PAMR1: variants seen among roughly 807,000 people sequenced by gnomAD.
PAMR1 encodes peptidase domain containing associated with muscle regeneration 1.
A neutral mutation model predicts 81.8 loss-of-function variants in PAMR1; 88 were observed. The observed-to-expected ratio is 1.08, with a 90% confidence interval of 0.91 to 1.28. PAMR1 has a LOEUF of 1.28. Ranked by LOEUF, PAMR1 falls within the 50% of genes most tolerant of loss-of-function variation. The pLI is 0.00. For synonymous variants in PAMR1, 336 were observed against 345.3 expected (o/e 0.97, Z 0.30); for missense variants, 935 against 919.7 (o/e 1.02, Z -0.21).
At chr11:35,525,818 T>G, upstream of PAMR1, 1 of 571,164 alleles carries the variant, frequency 1.8e-6, no homozygotes, top group Non-Finnish European at 3.1e-6. Flanking sequence ...CCCCGGGAGG[T>G]GTGGCCACGC....
intron 3 of PAMR1, among the ~76,000 whole-genome samples, chr11:35,487,034 T>C (rs973347373): frequency 1.3e-5 from 2 of 152,104 alleles, no homozygotes; most frequent in African/African-American, 2.4e-5. Flanking sequence ...TGACCTCTTG[T>C]GCTTCTGCGA....
chr11:35,466,393 T>C (rs991425450), intron 6 of PAMR1, among the ~76,000 whole-genome samples: 2 of 152,176 alleles, frequency 1.3e-5, no homozygotes, highest in Non-Finnish European at 2.9e-5. Context: ...GGACCCACTA[T>C]TGAAACCATG....
chr11:35,464,722 GCTTCC>G (rs1856727289), intron 6 of PAMR1, among the ~76,000 whole-genome samples: 1 of 152,128 alleles, frequency 6.6e-6, no homozygotes, highest in African/African-American at 2.4e-5. Context: ...TTCTTACAAT[GCTTCC>G]ACTGGGAACC....
chr11:35,482,149 T>C (rs1259304769), intron 3 of PAMR1, among the ~76,000 whole-genome samples: 3 of 152,246 alleles, frequency 2.0e-5, no homozygotes, highest in East Asian at 1.9e-4. Flanking sequence ...TGTTTTCTTC[T>C]AGGGTTTTTA....
chr11:35,452,341 A>G (rs1330721519), intron 6 of PAMR1, among the ~76,000 whole-genome samples: 4 of 152,216 alleles, frequency 2.6e-5, no homozygotes, highest in Non-Finnish European at 5.9e-5. Context: ...TTTAAAATAC[A>G]TGGGAAAAAA....
chr11:35,482,148 C>T (rs61880924), intron 3 of PAMR1, among the ~76,000 whole-genome samples: 29,708 of 152,104 alleles, frequency 0.2, 3,614 homozygotes, highest in Non-Finnish European at 0.26. Context: ...ATGTTTTCTT[C>T]TAGGGTTTTT....
At chr11:35,461,893 C>T (rs1024635584) in intron 6 of PAMR1, among the ~76,000 whole-genome samples, 11 of 152,248 alleles carry the variant, frequency 7.2e-5, no homozygotes, top group East Asian at 1.9e-4. Flanking sequence ...CAAGTACATG[C>T]GGGTAATAGC....
chr11:35,436,687 C>T (rs970435947), intron 8 of PAMR1, among the ~76,000 whole-genome samples: 2 of 151,946 alleles, frequency 1.3e-5, no homozygotes, highest in African/African-American at 4.8e-5. Context: ...CACACACACA[C>T]ACACTTTGCC....
At chr11:35,503,016 T>C (rs2135410312) in intron 1 of PAMR1, among the ~76,000 whole-genome samples, 1 of 152,292 alleles carries the variant, frequency 6.6e-6, no homozygotes, top group Admixed American at 6.5e-5. Context: ...TGATTTTATG[T>C]ATAAGAAATA....
At chr11:35,447,202 C>CTTT (rs35773880) in intron 6 of PAMR1, among the ~76,000 whole-genome samples, 2,245 of 123,276 alleles carry the variant, frequency 0.018, 93 homozygotes, top group Admixed American at 0.05. Context: ...TCCTCCATCC[C>CTTT]TTTTTTTTTT....
chr11:35,473,591 G>A (rs1292836094), intron 4 of PAMR1, among the ~76,000 whole-genome samples: 1 of 152,186 alleles, frequency 6.6e-6, no homozygotes, highest in Non-Finnish European at 1.5e-5. Flanking sequence ...CGTCCTCAGG[G>A]AGTGGAAACA....
Position 35,525,616 on chromosome 11 carries a change from T to C in PAMR1, c.-31A>G. 3.7e-6 allele frequency: 6 copies of C among 1,607,834 alleles called. No homozygotes were observed. Among genetic ancestry groups the C allele is most frequent in the Non-Finnish European group, 4.3e-6 (5 of 1,175,560 alleles). ...CCGCGGCTGGTGCCCGAGCGTCTAC[T>C]GGGGAGGGAGAGGAGGGACCCAGGG... On this transcript the variant is annotated 5_prime_UTR_variant, in exon 1 of 11. Transcript: ENST00000619888.
Position 35,494,096 on chromosome 11 carries a change from C to G in PAMR1, c.250G>C (p.Gly84Arg). 1 of 1,613,422 alleles carries G rather than the reference C, an allele frequency of 6.2e-7. No homozygotes were observed. Among genetic ancestry groups the G allele is most frequent in the Non-Finnish European group, 8.5e-7 (1 of 1,179,388 alleles). The change falls in exon 2 of 11, where the codon GGT (glycine) becomes CGT (arginine). Residue 84 changes from glycine to arginine, a missense_variant and splice_region_variant. By Grantham distance (125) the Gly-to-Arg change is moderately radical. Transcript: ENST00000619888. ...CTGAAGTCTCCCATTCCACACTCAC[C>G]TGGGTGGATCAGGCAGGAGTCACAC... ...NECDSCLIHPGCTIFENCKSC... is the reference protein window; with the variant it reads ...NECDSCLIHPRCTIFENCKSC...
Position 35,436,030 on chromosome 11 carries a change from T to C in PAMR1, c.1206A>G (p.Gly402=). ...PALPFGDLPM[G]YQHLHTQLQY... is the part of the protein sequence containing the mutation. ...GGAGCTGGGTATGCAGATGTTGGTA[T>C]CCCATGGGCAGATCTCCAAAGGGAA... is the stretch of plus-strand genomic sequence containing the variant. Residue 402 remains glycine, a synonymous_variant, in exon 9 of 11, where the codon GGA becomes GGG. Coordinates refer to ENST00000619888, the MANE Select transcript of PAMR1 (RefSeq NM_001001991.3). 6 of 1,614,072 alleles carry C rather than the reference T, an allele frequency of 3.7e-6. No homozygotes were observed. The highest frequency in any genetic ancestry group is 4.2e-6 in the Non-Finnish European group (5 of 1,179,992).
chr11:35,503,778 GA>G (rs1248380175), intron 1 of PAMR1, among the ~76,000 whole-genome samples: 2 of 151,960 alleles, frequency 1.3e-5, no homozygotes, highest in Non-Finnish European at 2.9e-5. Flanking sequence ...AGAGTCTTTA[GA>G]TTTTTTTTAA....
At chr11:35,480,329 C>T (rs1183283684) in intron 3 of PAMR1, among the ~76,000 whole-genome samples, 1 of 152,158 alleles carries the variant, frequency 6.6e-6, no homozygotes, top group Non-Finnish European at 1.5e-5. Flanking sequence ...CTTTCTTCAC[C>T]CAAAGTTGCC....
intron 5 of PAMR1, among the ~76,000 whole-genome samples, chr11:35,468,450 T>A (rs913030674): frequency 6.6e-6 from 1 of 152,184 alleles, no homozygotes; most frequent in Non-Finnish European, 1.5e-5. Context: ...GACAGAGACA[T>A]CCTTGGGTAG....
chr11:35,435,838 T>C (rs1856028476), intron 9 of PAMR1, 65 bp downstream of exon 9: 1 of 1,221,082 alleles, frequency 8.2e-7, no homozygotes, highest in Non-Finnish European at 1.2e-6. Context: ...GTAGGGTTAA[T>C]GGTTTTTCTC....
At chr11:35,519,407 C>G (rs1851229258) in intron 1 of PAMR1, among the ~76,000 whole-genome samples, 1 of 142,752 alleles carries the variant, frequency 7.0e-6, no homozygotes, top group South Asian at 2.5e-4. Context: ...CATAAAGGAG[C>G]AGACATACAC....
Sources: allele counts gnomAD v4.1 joint callset (sites outside exome capture counted in the v4.1 genomes callset), GRCh38; gene constraint gnomAD v4.1.1; transcripts MANE v1.5; gene names NCBI Gene and HGNC (gene_info 2026-07-23, HGNC 2026-07-21).